ATXN10: variants seen among roughly 807,000 people sequenced by gnomAD.
The protein encoded by ATXN10 is ataxin 10.
ATXN10 carries 28 observed loss-of-function variants against 52.9 expected under a neutral mutation model. The observed-to-expected ratio is 0.53, with a 90% CI of 0.39 to 0.73. The LOEUF is 0.73. Among genes scored for constraint, ATXN10 ranks in the 30% least tolerant of loss-of-function variants. The probability of loss-of-function intolerance (pLI) is 0.00; values close to 1 mark genes in which losing one functional copy is unlikely to be tolerated. For synonymous variants in ATXN10, 226 were observed against 221.5 expected (o/e 1.02, Z -0.18); for missense variants, 565 against 577.0 (o/e 0.98, Z 0.21).
intron 10 of ATXN10, among the ~76,000 whole-genome samples, chr22:45,836,185 C>CT (rs1257772123): frequency 1.3e-5 from 2 of 152,060 alleles, no homozygotes; most frequent in African/African-American, 4.8e-5. Flanking sequence ...TAGACTTGTA[C>CT]TTTAATTTTC....
chr22:45,726,081 G>C (rs1464642197), intron 6 of ATXN10, among the ~76,000 whole-genome samples: 3 of 152,220 alleles, frequency 2.0e-5, no homozygotes, highest in East Asian at 1.9e-4. Context: ...TTTTGCATCT[G>C]ATGTTCATCA....
At chr22:45,719,160 A>G (rs1460527654) in intron 6 of ATXN10, among the ~76,000 whole-genome samples, 1 of 152,140 alleles carries the variant, frequency 6.6e-6, no homozygotes, top group Non-Finnish European at 1.5e-5. Context: ...TCATTTCAAT[A>G]GAATATATTT....
At chr22:45,734,059 A>G (rs1402430659) in intron 7 of ATXN10, among the ~76,000 whole-genome samples, 1 of 152,052 alleles carries the variant, frequency 6.6e-6, no homozygotes. Flanking sequence ...TAGACTTTCC[A>G]GCTGCTTTCA....
chr22:45,729,775 A>T, intron 7 of ATXN10, 185 bp downstream of exon 7: 1 of 719,652 alleles, frequency 1.4e-6, no homozygotes, highest in Non-Finnish European at 2.4e-6. Flanking sequence ...CCTACCATCC[A>T]GAGTCAATGA....
Position 45,732,635 on chromosome 22 carries a change from T to C in ATXN10, c.894+3045T>C, listed in dbSNP as rs566740842. Among the ~76,000 whole-genome samples the C allele has an allele frequency of 1.3e-5, 2 of 152,060 alleles. No homozygotes were observed. Among genetic ancestry groups the C allele is most frequent in the Non-Finnish European group, 2.9e-5 (2 of 67,980 alleles). On this transcript the variant is annotated intron_variant, in intron 7 of 11. Transcript: ENST00000252934. The surrounding 1 kb of genome is among the most constrained non-coding windows in gnomAD (Gnocchi z 4.5). The stretch of plus-strand genomic sequence containing the variant: ...GTATTTAAATATGCCAAAGACCAAG[T>C]GCTATACTGGAGCTGGCCTGTGGTG...
intron 9 of ATXN10, among the ~76,000 whole-genome samples, chr22:45,741,560 A>G (rs1601617545): frequency 1.3e-5 from 2 of 152,158 alleles, no homozygotes; most frequent in South Asian, 2.1e-4. Context: ...GCGAGAAACC[A>G]TCTTGGGAGT....
rs1300309238 is a variant in ATXN10, at chr22:45,842,892, T to C, written c.1238-99T>C. Reference sequence around the variant, plus strand: ...AAAACTTGTGGATTGATACTGGATGTTCCGTGTTTCTGTGCTCCTCTACTC... The same window carrying C: ...AAAACTTGTGGATTGATACTGGATGCTCCGTGTTTCTGTGCTCCTCTACTC... On this transcript the variant is annotated intron_variant, in intron 10 of 11. Coordinates refer to ENST00000252934, the MANE Select transcript of ATXN10 (RefSeq NM_013236.4). The surrounding 1 kb of genome is among the most constrained non-coding windows in gnomAD (Gnocchi z 4.8). 2 of 1,299,836 alleles carry C rather than the reference T, an allele frequency of 1.5e-6. No homozygotes were observed. Among genetic ancestry groups the C allele is most frequent in the Non-Finnish European group, 2.2e-6 (2 of 900,536 alleles). 80.5% of individuals were successfully genotyped at this position (1,299,836 alleles called of 1,614,324 possible).
At position 45,671,903 on chromosome 22, in the gene ATXN10, AG is replaced by A; in HGVS notation, c.-158del. ...AGCTCTCCGGCGGCGGCGCAGCTTC[AG>A]GGCAGCGCGGGCTGCAGCGGCGGCG... On this transcript the variant is annotated 5_prime_UTR_variant, in exon 1 of 12. Transcript: ENST00000252934. The A allele has an allele frequency of 2.7e-6, 2 of 749,006 alleles. No homozygotes were observed. Among genetic ancestry groups the A allele is most frequent in the Non-Finnish European group, 4.1e-6 (2 of 487,284 alleles). The allele number at this position is 749,006 out of a possible 1,614,324, so 46.4% of individuals were successfully genotyped here.
In ATXN10 at chr22:45,805,121, A is replaced by G. The variant is rs1928056690; in HGVS notation, c.1174-1838A>G. Among the ~76,000 whole-genome samples the G allele has an allele frequency of 6.6e-6, 1 of 152,238 alleles. No individual in the cohort carries two copies. Among genetic ancestry groups the G allele is most frequent in the Non-Finnish European group, 1.5e-5 (1 of 68,042 alleles). On this transcript the variant is annotated intron_variant, in intron 9 of 11. Coordinates refer to ENST00000252934, the MANE Select transcript of ATXN10 (RefSeq NM_013236.4). The surrounding 1 kb of genome is among the most constrained non-coding windows in gnomAD (Gnocchi z 4.4). ...AATAAGTTGTGCTGCACCCAGTATC[A>G]TTAGTCATCAGAAATGCGCATCAAA...
At position 45,837,385 on chromosome 22, in the gene ATXN10, C is replaced by T. The variant is rs1420794689; in HGVS notation, c.1238-5606C>T. On this transcript the variant is annotated intron_variant, in intron 10 of 11. Transcript: ENST00000252934. This position sits in a 1 kb window ranked among gnomAD's most constrained non-coding sequence, Gnocchi z 5.8. ...AGCGATTTCTCCTGCCTCAGCCTCCCGAGTAGCTGGGACTGCAGGCGGCTC... is the reference window on the plus strand; with the variant it reads ...AGCGATTTCTCCTGCCTCAGCCTCCTGAGTAGCTGGGACTGCAGGCGGCTC... Among the ~76,000 whole-genome samples the T allele has an allele frequency of 2.0e-5, 3 of 152,082 alleles. No individual in the cohort carries two copies. The highest frequency in any genetic ancestry group is 2.1e-4 in the South Asian group (1 of 4,828).
rs552246868 is a variant in ATXN10 at position 45,781,562 on chromosome 22, A to C, written c.1174-25397A>C. On this transcript the variant is annotated intron_variant, in intron 9 of 11. Transcript: ENST00000252934. This position sits in a 1 kb window ranked among gnomAD's most constrained non-coding sequence, Gnocchi z 4.2. ...CACTACACCCAAATGTTTAGAGTAC[A>C]ATTTAAAATCATGGGTTACACTAAG... Among the ~76,000 whole-genome samples the C allele has an allele frequency of 2.0e-5, 3 of 152,326 alleles. No homozygotes were observed. Among genetic ancestry groups the C allele is most frequent in the Non-Finnish European group, 4.4e-5 (3 of 68,030 alleles).
chr22:45,700,491 G>C (rs1923800479), intron 4 of ATXN10, 113 bp downstream of exon 4: 2 of 832,228 alleles, frequency 2.4e-6, no homozygotes, highest in Non-Finnish European at 4.0e-6. Context: ...TAGAGTTCAG[G>C]ATAGTAGTTG....
intron 5 of ATXN10, among the ~76,000 whole-genome samples, chr22:45,716,365 C>T (rs113516698): frequency 0.088 from 12,599 of 143,864 alleles, 668 homozygotes; most frequent in Middle Eastern, 0.16. Context: ...CTTGCTCTGT[C>T]GCCCATGCTG....
chr22:45,721,275 G>C (rs1019011176), intron 6 of ATXN10, among the ~76,000 whole-genome samples: 1 of 152,152 alleles, frequency 6.6e-6, no homozygotes, highest in Admixed American at 6.5e-5. Flanking sequence ...CTAGCTGCTC[G>C]TGGTAAACAG....
At chr22:45,760,672 G>C (rs779000070) in intron 9 of ATXN10, 1 of 154,036 alleles carries the variant, frequency 6.5e-6, no homozygotes, top group Non-Finnish European at 1.5e-5. Context: ...CTGAGTATTC[G>C]TCTCTTACCT....
intron 6 of ATXN10, among the ~76,000 whole-genome samples, chr22:45,719,071 A>G (rs1361118537): frequency 6.6e-6 from 1 of 151,136 alleles, no homozygotes; most frequent in Non-Finnish European, 1.5e-5. Context: ...TTTTTCCTAA[A>G]CCTCTATGGT....
At chr22:45,748,647 T>C (rs1164778416) in intron 9 of ATXN10, among the ~76,000 whole-genome samples, 1 of 152,240 alleles carries the variant, frequency 6.6e-6, no homozygotes, top group African/African-American at 2.4e-5. Context: ...TCAATTGGAT[T>C]GTGCGTTTTT....
rs373974988 is a variant in ATXN10 at position 45,743,169 on chromosome 22, T to G, written c.1173+2631T>G. On this transcript the variant is annotated intron_variant, in intron 9 of 11. Coordinates refer to ENST00000252934, the MANE Select transcript of ATXN10 (RefSeq NM_013236.4). ...TCACTTGTGCAGTTGCTAATAGCAC[T>G]GCTGATTTCTCAGCAAACAGTTTAG... 7.2e-5 allele frequency among the ~76,000 whole-genome samples: 11 copies of G among 152,372 alleles called. No individual in the cohort carries two copies. The South Asian group carries it at 1.7e-3, about 23-fold the overall frequency.
In ATXN10 at chr22:45,683,915, A is replaced by C. The variant is rs761565506; in HGVS notation, c.117-5797A>C. On this transcript the variant is annotated intron_variant, in intron 1 of 11. Coordinates refer to ENST00000252934, the MANE Select transcript of ATXN10 (RefSeq NM_013236.4). This position sits in a 1 kb window ranked among gnomAD's most constrained non-coding sequence, Gnocchi z 4.8. ...GTGGTTGACTTTCTGCCTCTGTGCT[A>C]ATTTCACCTTTTCTTAGCTTCTCTT... is the stretch of plus-strand genomic sequence containing the variant. Among the ~76,000 whole-genome samples the C allele has an allele frequency of 1.3e-5, 2 of 152,038 alleles. No individual in the cohort carries two copies. Among genetic ancestry groups the C allele is most frequent in the African/African-American group, 2.4e-5 (1 of 41,378 alleles).
Sources: gnomAD v4.1 joint callset for allele counts (sites outside exome capture counted in the v4.1 genomes callset) on GRCh38, gnomAD v4.1.1 for gene constraint, Gnocchi (gnomAD v3.1) non-coding constraint, MANE v1.5 for transcripts, NCBI Gene and HGNC (gene_info 2026-07-23, HGNC 2026-07-21) for gene names.